The following TMEM266 variants were observed in gnomAD, a reference collection of about 807,000 sequenced individuals.
The protein encoded by TMEM266 is transmembrane protein 266.
TMEM266 carries 33 observed loss-of-function variants against 50.5 expected under a neutral mutation model. That is an observed-to-expected ratio of 0.65 (90% confidence interval 0.50 to 0.87). TMEM266 has a LOEUF of 0.87. Ranked by LOEUF, TMEM266 falls within the 40% of genes least tolerant of loss-of-function variation. The pLI is 0.00. For missense variants in TMEM266, 655 were observed against 695.1 expected, an observed-to-expected ratio of 0.94 and a Z score of 0.65; for synonymous variants, 310 against 292.3, an observed-to-expected ratio of 1.06 and a Z score of -0.62.
rs143849730 is a variant in TMEM266, at chr15:76,116,896, C to CTTT, written c.-96-17254_-96-17252dup. On this transcript the variant is annotated intron_variant, in intron 1 of 10. Coordinates refer to ENST00000388942, the MANE Select transcript of TMEM266 (RefSeq NM_152335.3). ...ATTTACAAACAGTAAAGCATATCTT[C>CTTT]TTTTTTTTTTTTTTTTTTTTGAGAC... 5.6e-3 allele frequency among the ~76,000 whole-genome samples: 733 copies of CTTT among 131,606 alleles called. 4 individuals carry two copies. Among genetic ancestry groups the CTTT allele is most frequent in the Non-Finnish European group, 0.01 (606 of 60,484 alleles). 86.3% of individuals were successfully genotyped at this position (131,606 alleles called of 152,430 possible).
At chr15:76,175,866 C>T (rs910439430) in intron 8 of TMEM266, 192 bp downstream of exon 8, 4 of 527,714 alleles carry the variant, frequency 7.6e-6, no homozygotes, top group Non-Finnish European at 1.4e-5. Flanking sequence ...ATAGCCCAGC[C>T]AGGCATGGAC....
Position 76,137,818 on chromosome 15 carries a change from G to T in TMEM266, c.150G>T (p.Leu50Phe). The change falls in exon 3 of 11, where the codon TTG becomes TTT. Residue 50 changes from leucine (L) to phenylalanine (F), a missense_variant. Physicochemically the swap from Leu to Phe is conservative, Grantham distance 22 (BLOSUM62 0). Around this residue, in one of 3 missense-constraint regions of TMEM266, gnomAD observed 99 missense variants for 110.8 expected, o/e 0.89. Coordinates refer to ENST00000388942, the MANE Select transcript of TMEM266 (RefSeq NM_152335.3). The stretch of plus-strand genomic sequence containing the variant: ...TGGTGAACTTTGCCTATCGGGACTT[G>T]CCCCTGGCTGCTGTCGATCTCTCCA... 6.2e-7 allele frequency: 1 copy of T among 1,613,686 alleles called. No individual in the cohort carries two copies. The highest frequency in any genetic ancestry group is 8.5e-7 in the Non-Finnish European group (1 of 1,179,816).
intron 1 of TMEM266, among the ~76,000 whole-genome samples, chr15:76,104,231 G>A (rs568910127): frequency 1.4e-3 from 219 of 151,314 alleles, no homozygotes; most frequent in African/African-American, 5.1e-3. Context: ...ATATTTGGGA[G>A]TCATCGGCAA....
chr15:76,066,360 G>A (rs1436495441), intron 1 of TMEM266, among the ~76,000 whole-genome samples: 2 of 152,170 alleles, frequency 1.3e-5, no homozygotes, highest in African/African-American at 2.4e-5. Flanking sequence ...AATAATGAGA[G>A]CACAGGGAAT....
Position 76,134,175 on chromosome 15 carries a change from T to C in TMEM266, c.-89T>C, listed in dbSNP as rs1258827174. 1 of 1,446,224 alleles carries C rather than the reference T, an allele frequency of 6.9e-7. No homozygotes were observed. The highest frequency in any genetic ancestry group is 1.4e-5 in the African/African-American group (1 of 70,810). 89.6% of individuals were successfully genotyped at this position (1,446,224 alleles called of 1,614,324 possible). A position where few individuals can be genotyped will look rare whatever the true frequency, so the allele number is the denominator to read the frequency against. ...TCCTATTTTTGTTTTCAGGGCACTA[T>C]ATTTGTATGTGTCTTGTAGAACCCA... On this transcript the variant is annotated 5_prime_UTR_variant, in exon 2 of 11. Transcript: ENST00000388942.
intron 5 of TMEM266, among the ~76,000 whole-genome samples, chr15:76,165,939 G>C (rs958331251): frequency 2.6e-5 from 4 of 152,132 alleles, no homozygotes; most frequent in African/African-American, 9.7e-5. Flanking sequence ...CGGGTGCTCC[G>C]GGGGAGTTTG....
chr15:76,065,700 A>G (rs2036400957), intron 1 of TMEM266, among the ~76,000 whole-genome samples: 1 of 152,100 alleles, frequency 6.6e-6, no homozygotes, highest in Non-Finnish European at 1.5e-5. Flanking sequence ...TGCTTAGTAA[A>G]GGGTAAGCAC....
chr15:76,175,739 C>G, intron 8 of TMEM266, 65 bp downstream of exon 8: 1 of 1,354,608 alleles, frequency 7.4e-7, no homozygotes, highest in Non-Finnish European at 1.0e-6. Context: ...TGCCTAAAGC[C>G]ATGGGTTGCT....
At chr15:76,077,352 A>T (rs1339171904) in intron 1 of TMEM266, among the ~76,000 whole-genome samples, 1 of 152,034 alleles carries the variant, frequency 6.6e-6, no homozygotes, top group Non-Finnish European at 1.5e-5. Flanking sequence ...TAATTTGCCT[A>T]TTTATTTTCA....
chr15:76,134,618 C>T (rs2037562490), intron 2 of TMEM266, among the ~76,000 whole-genome samples: 1 of 152,216 alleles, frequency 6.6e-6, no homozygotes, highest in Admixed American at 6.5e-5. Flanking sequence ...ATGAACCAAT[C>T]ACTTAATCTT....
At chr15:76,104,439 C>T (rs555513560) in intron 1 of TMEM266, among the ~76,000 whole-genome samples, 239 of 152,348 alleles carry the variant, frequency 1.6e-3, no homozygotes, top group African/African-American at 4.8e-3. Flanking sequence ...ACATTTCCAT[C>T]ATCCCAGGAA....
intron 1 of TMEM266, among the ~76,000 whole-genome samples, chr15:76,082,750 C>A (rs938607396): frequency 3.3e-5 from 5 of 152,118 alleles, no homozygotes; most frequent in African/African-American, 4.8e-5. Flanking sequence ...GGGTGGATCA[C>A]TTGAGGTCAG....
chr15:76,199,017 G>A (rs1178242100), intron 9 of TMEM266, among the ~76,000 whole-genome samples: 1 of 111,104 alleles, frequency 9.0e-6, no homozygotes, highest in Non-Finnish European at 2.0e-5. Context: ...GCACATCCCG[G>A]GAGCAAGTAA....
chr15:76,127,800 A>G (rs2037446351), intron 1 of TMEM266, among the ~76,000 whole-genome samples: 1 of 152,164 alleles, frequency 6.6e-6, no homozygotes, highest in African/African-American at 2.4e-5. Context: ...GATAAAAATA[A>G]CTACTTTACC....
chr15:76,125,399 C>T (rs2037406323), intron 1 of TMEM266, among the ~76,000 whole-genome samples: 1 of 151,752 alleles, frequency 6.6e-6, no homozygotes. Flanking sequence ...AAGCAGTTAT[C>T]AGATAAGGAG....
At chr15:76,086,391 A>G (rs2036777156) in intron 1 of TMEM266, among the ~76,000 whole-genome samples, 1 of 152,248 alleles carries the variant, frequency 6.6e-6, no homozygotes, top group African/African-American at 2.4e-5. Context: ...CAAAGTCACT[A>G]GAGAACTTTC....
chr15:76,082,899 G>A (rs749762651), intron 1 of TMEM266, among the ~76,000 whole-genome samples: 5 of 152,112 alleles, frequency 3.3e-5, no homozygotes, highest in Admixed American at 1.3e-4. Flanking sequence ...AGCCCAGGAG[G>A]AGGAGGTTGC....
intron 8 of TMEM266, among the ~76,000 whole-genome samples, chr15:76,180,551 G>A (rs896145534): frequency 6.6e-6 from 1 of 151,176 alleles, no homozygotes; most frequent in African/African-American, 2.4e-5. Flanking sequence ...CCCGGCTGGG[G>A]CAGCGTGGGT....
chr15:76,166,810 A>T (rs2038104139), intron 5 of TMEM266, among the ~76,000 whole-genome samples: 1 of 152,238 alleles, frequency 6.6e-6, no homozygotes, highest in South Asian at 2.1e-4. Flanking sequence ...GTTACTGTTC[A>T]GCGGGTACAG....
Sources: allele counts gnomAD v4.1 joint callset (sites outside exome capture counted in the v4.1 genomes callset), GRCh38; gene constraint gnomAD v4.1.1; regional missense constraint gnomAD v4.1.1; transcripts MANE v1.5; gene names NCBI Gene and HGNC (gene_info 2026-07-23, HGNC 2026-07-21).